USP7: variants seen among roughly 807,000 people sequenced by gnomAD.
USP7 encodes the protein ubiquitin specific peptidase 7.
USP7 carries 9 observed loss-of-function variants against 162.9 expected under a neutral mutation model. The ratio of observed to expected loss-of-function variants is 0.06; its 90% CI spans 0.03 to 0.10. USP7 has a LOEUF of 0.10. USP7 is among the 10% of genes least tolerant of loss of function. USP7 has a pLI of 1.00. For missense variants in USP7, 715 were observed against 1,373.7 expected (o/e 0.52, Z 7.58); for synonymous variants, 562 against 475.9 (o/e 1.18, Z -2.35).
chr16:8,909,665 T>C (rs2061913426), intron 11 of USP7, among the ~76,000 whole-genome samples: 1 of 152,180 alleles, frequency 6.6e-6, no homozygotes, highest in Non-Finnish European at 1.5e-5. Flanking sequence ...AAGTGGCTCA[T>C]GCCTGTAATC....
In USP7 at chr16:8,893,718, C is replaced by G. The variant is rs896376859; in HGVS notation, c.*280G>C. 5.3e-6 allele frequency: 2 copies of G among 376,176 alleles called. No individual in the cohort carries two copies. The highest frequency in any genetic ancestry group is 4.1e-5 in the African/African-American group (2 of 48,468). The allele number at this position is 376,176 out of a possible 1,614,324, so 23.3% of individuals were successfully genotyped here. On this transcript the variant is annotated 3_prime_UTR_variant, in exon 31 of 31. Transcript: ENST00000344836. ...GAGCCAGGGACCCCCGATCCACTAACCTCTTCTCCCCCATTGCGCTGACAG... is the reference window on the plus strand; with the variant it reads ...GAGCCAGGGACCCCCGATCCACTAAGCTCTTCTCCCCCATTGCGCTGACAG...
At chr16:8,910,584 CT>C (rs1296936775) in intron 11 of USP7, among the ~76,000 whole-genome samples, 160 bp downstream of exon 11, 1 of 152,116 alleles carries the variant, frequency 6.6e-6, no homozygotes, top group Admixed American at 6.6e-5. Context: ...CAACATCCCC[CT>C]CTCCCTCCCC....
rs767652270 is a variant in USP7 at position 8,917,115 on chromosome 16, T to C, written c.762A>G (p.Lys254=). Reference sequence around the variant, plus strand: ...CTCTTTGTAATGCTAAAGGGACGCTTTTAGACGAATCATCCCCCTCGGTTG... The same window carrying C: ...CTCTTTGTAATGCTAAAGGGACGCTCTTAGACGAATCATCCCCCTCGGTTG... The part of the protein sequence containing the change: ...MMPTEGDDSS[K]SVPLALQRVF... The change falls in exon 7 of 31, where the codon AAA becomes AAG. Residue 254 remains lysine (K), a synonymous_variant. Transcript: ENST00000344836. 1.8e-5 allele frequency: 29 copies of C among 1,613,518 alleles called. 1 individual carries two copies. In the South Asian group the frequency reaches 3.0e-4, roughly 17 times the overall value.
chr16:8,963,255 T>TCTG lies in USP7; in HGVS notation c.28_30dup (p.Gln10dup), dbSNP rs749570604. 488 of 1,373,114 alleles carry TCTG rather than the reference T, an allele frequency of 3.6e-4. No homozygotes were observed. In the East Asian group the frequency reaches 6.6e-3, roughly 19 times the overall value. The allele number at this position is 1,373,114 out of a possible 1,614,324, so 85.1% of individuals were successfully genotyped here. The stretch of plus-strand genomic sequence containing the variant: ...TCGCTCAACTGCTGCTCGCCCGCTT[T>TCTG]CTGCTGCTGCTGCTGCTGCTGGTGG... On this transcript the variant is annotated inframe_insertion, in exon 1 of 31. Coordinates refer to ENST00000344836, the MANE Select transcript of USP7 (RefSeq NM_003470.3).
At chr16:8,896,137 CTT>C (rs60467243) in intron 26 of USP7, among the ~76,000 whole-genome samples, 2,752 of 126,050 alleles carry the variant, frequency 0.022, 41 homozygotes, top group African/African-American at 0.042. Context: ...CCATGCCCAG[CTT>C]TTTTTTTTTT....
intron 17 of USP7, 64 bp from the exon 18 acceptor site, chr16:8,902,251 T>A (rs2061786288): frequency 1.3e-6 from 2 of 1,586,384 alleles, no homozygotes; most frequent in Non-Finnish European, 1.7e-6. Flanking sequence ...AGCGAAAAAC[T>A]ACAGTCAAGT....
At chr16:8,936,738 C>T in intron 1 of USP7, 1 of 1,373,872 alleles carries the variant, frequency 7.3e-7, no homozygotes, top group Non-Finnish European at 9.4e-7. Flanking sequence ...TTAAAGCATC[C>T]CACAGAAGCC....
chr16:8,945,391 C>A lies in USP7; in HGVS notation c.80-14994G>T, dbSNP rs537585525. On this transcript the variant is annotated intron_variant, in intron 1 of 30. Coordinates refer to ENST00000344836, the MANE Select transcript of USP7 (RefSeq NM_003470.3). ...ACAGCAAGATGCTGTCTCAAACAAA[C>A]AAACAAAAAGTTCCTGGGAAGACTA... 3.0e-4 allele frequency among the ~76,000 whole-genome samples: 45 copies of A among 152,240 alleles called. 2 individuals are homozygous for A. The South Asian group carries it at 9.1e-3, about 31-fold the overall frequency.
At chr16:8,951,514 G>T (rs1392400235) in intron 1 of USP7, among the ~76,000 whole-genome samples, 1 of 152,142 alleles carries the variant, frequency 6.6e-6, no homozygotes, top group Non-Finnish European at 1.5e-5. Flanking sequence ...AGCTCTGCAG[G>T]CTTGGAGAGA....
intron 1 of USP7, among the ~76,000 whole-genome samples, chr16:8,938,565 A>G (rs1226393628): frequency 6.6e-6 from 1 of 151,910 alleles, no homozygotes; most frequent in Non-Finnish European, 1.5e-5. Flanking sequence ...ACAAAAACTT[A>G]GCTGGGCACG....
intron 1 of USP7, chr16:8,956,214 G>A (rs1028056187): frequency 6.6e-6 from 1 of 152,186 alleles, no homozygotes; most frequent in Admixed American, 6.5e-5. Context: ...TGGCAGGCAG[G>A]AAAATCACAT....
At chr16:8,897,309 C>G (rs752898341) in intron 25 of USP7, 1 of 516,980 alleles carries the variant, frequency 1.9e-6, no homozygotes, top group Non-Finnish European at 3.4e-6. Context: ...CAAATACTGA[C>G]GGGAGGTTAA....
chr16:8,904,681 G>A (rs577857042), intron 14 of USP7, 116 bp from the exon 15 acceptor site: 44 of 1,446,002 alleles, frequency 3.0e-5, no homozygotes, highest in Middle Eastern at 2.1e-4. Context: ...GGTGGCTTAC[G>A]CCTGTAATCC....
At chr16:8,955,253 C>T (rs10500366) in intron 1 of USP7, among the ~76,000 whole-genome samples, 96,245 of 152,190 alleles carry the variant, frequency 0.63, 33,141 homozygotes, top group East Asian at 0.84. Context: ...TTCATTTCTA[C>T]ATGATGGACA....
intron 6 of USP7, 44 bp from the exon 7 acceptor site, chr16:8,917,200 A>C (rs772983377): frequency 6.4e-7 from 1 of 1,557,386 alleles, no homozygotes; most frequent in Admixed American, 2.1e-5. Flanking sequence ...GAGAAGATGC[A>C]GGGGAATTTA....
chr16:8,954,542 A>G (rs74010344), intron 1 of USP7, among the ~76,000 whole-genome samples: 4,707 of 152,270 alleles, frequency 0.031, 183 homozygotes, highest in African/African-American at 0.088. Context: ...TCCACAATCT[A>G]TTTTTTGCAA....
Position 8,953,087 on chromosome 16 carries a change from G to T in USP7, c.79+10120C>A, listed in dbSNP as rs141778646. On this transcript the variant is annotated intron_variant, in intron 1 of 30. Coordinates refer to ENST00000344836, the MANE Select transcript of USP7 (RefSeq NM_003470.3). Reference sequence around the variant, plus strand: ...CCTGACCTCGTAATCTGTCGCCTTGGCCTCCCGAAATGCTGGGATTACAGG... The same window carrying T: ...CCTGACCTCGTAATCTGTCGCCTTGTCCTCCCGAAATGCTGGGATTACAGG... Among the ~76,000 whole-genome samples, 1,146 of 152,102 alleles carry T rather than the reference G, an allele frequency of 7.5e-3. 18 individuals are homozygous for T. The highest frequency in any genetic ancestry group is 0.025 in the African/African-American group (1,018 of 41,472).
At chr16:8,908,203 T>C (rs2061890529) in intron 12 of USP7, 138 bp downstream of exon 12, 1 of 723,776 alleles carries the variant, frequency 1.4e-6, no homozygotes, top group African/African-American at 1.8e-5. Flanking sequence ...CTGCGGCTCT[T>C]GGGACACAGA....
chr16:8,904,985 A>T (rs556825327), intron 14 of USP7, among the ~76,000 whole-genome samples: 1 of 152,216 alleles, frequency 6.6e-6, no homozygotes, highest in African/African-American at 2.4e-5. Context: ...AATAAAATAA[A>T]ATAATCTATT....
Sources: allele counts gnomAD v4.1 joint callset (sites outside exome capture counted in the v4.1 genomes callset), GRCh38; gene constraint gnomAD v4.1.1; transcripts MANE v1.5; gene names NCBI Gene and HGNC (gene_info 2026-07-23, HGNC 2026-07-21).